Variants in NSD1 observed in about 807,000 individuals in gnomAD.
NSD1 encodes histone-lysine N-methyltransferase, H3 lysine-36 specific.
A neutral mutation model predicts 242.7 loss-of-function variants in NSD1; 26 were observed. That is an observed-to-expected ratio of 0.11 (90% CI 0.08 to 0.15). The LOEUF (loss-of-function observed/expected upper bound fraction) is 0.15. NSD1 is among the 10% of genes least tolerant of loss of function. NSD1 has a pLI of 1.00. For synonymous variants in NSD1, 1,106 were observed against 1,178.1 expected, an observed-to-expected ratio of 0.94 and a Z score of 1.25; for missense variants, 2,495 against 3,272.8, an observed-to-expected ratio of 0.76 and a Z score of 5.80.
rs150920473 is a variant in NSD1, at chr5:177,246,772, G to T, written c.4473G>T (p.Ser1491=). The change falls in exon 10 of 23, where the codon TCG becomes TCT. Residue 1491 remains serine (S), a synonymous_variant. Coordinates refer to ENST00000439151, the MANE Select transcript of NSD1 (RefSeq NM_022455.5). ...MQCKKVKNDD[S]SKEIPGSEGE... is the part of the protein sequence containing the mutation. ...GTAAAAAAGTGAAAAATGATGACTC[G>T]TCAAAAGAGATTCCAGGCTCAGAGG... 760 of 1,613,166 alleles carry T rather than the reference G, an allele frequency of 4.7e-4. 5 individuals are homozygous for T. The Admixed American group carries it at 9.6e-3, about 20-fold the overall frequency.
Position 177,280,683 on chromosome 5 carries a change from G to A in NSD1, c.5741G>A (p.Arg1914His), listed in dbSNP as rs587784155. The stretch of plus-strand genomic sequence containing the variant: ...GGGATAGACTCTGAATGCATCAACC[G>A]CATGCTGCTCTATGAGTGCCACCCC... ...PCGIDSECINRMLLYECHPTV... is the reference protein window; with the variant it reads ...PCGIDSECINHMLLYECHPTV... The change falls in exon 18 of 23, where the codon CGC (arginine) becomes CAC (histidine). Residue 1914 changes from arginine to histidine, a missense_variant. This residue lies in a region of NSD1 where 114 missense variants were observed against 247.4 expected (regional missense o/e 0.46). Transcript: ENST00000439151. 1 of 1,614,212 alleles carries A rather than the reference G, an allele frequency of 6.2e-7. No homozygotes were observed. The highest frequency in any genetic ancestry group is 8.5e-7 in the Non-Finnish European group (1 of 1,180,046).
intron 2 of NSD1, among the ~76,000 whole-genome samples, chr5:177,174,095 G>A (rs1297372979): frequency 1.3e-5 from 2 of 151,956 alleles, no homozygotes; most frequent in Non-Finnish European, 2.9e-5. Context: ...GGCCGGGCGC[G>A]GTGGCTCACG....
Position 177,135,226 on chromosome 5 carries a change from G to A in NSD1, c.123G>A (p.Glu41=), listed in dbSNP as rs1395825730. The part of the protein sequence containing the change: ...PFGNGQSNFS[E]PLNGCTMQLS... ...GTAATGGTCAATCCAATTTTTCTGA[G>A]CCACTTAATGGGTGTACTATGCAGT... The change falls in exon 2 of 23, where the codon GAG becomes GAA. Residue 41 remains glutamate, a synonymous_variant. Coordinates refer to ENST00000439151, the MANE Select transcript of NSD1 (RefSeq NM_022455.5). 17 of 1,613,384 alleles carry A rather than the reference G, an allele frequency of 1.1e-5. No homozygotes were observed. Among genetic ancestry groups the A allele is most frequent in the Non-Finnish European group, 1.4e-5 (17 of 1,179,354 alleles).
chr5:177,186,537 A>G (rs1046960767), intron 2 of NSD1, among the ~76,000 whole-genome samples: 1 of 152,142 alleles, frequency 6.6e-6, no homozygotes, highest in African/African-American at 2.4e-5. Flanking sequence ...GAAAGTAAAG[A>G]TCTCGTCCAA....
chr5:177,248,158 G>A (rs1766444899), intron 10 of NSD1, 23 bp from the exon 11 acceptor site: 1 of 1,613,384 alleles, frequency 6.2e-7, no homozygotes, highest in Non-Finnish European at 8.5e-7. Context: ...TACAGATGTG[G>A]GACATTATTT....
intron 9 of NSD1, 58 bp downstream of exon 9, chr5:177,244,328 C>G (rs901077379): frequency 2.5e-6 from 3 of 1,223,450 alleles, no homozygotes; most frequent in African/African-American, 1.5e-5. Flanking sequence ...AGTGCTTTGT[C>G]TGTTAACCAC....
At position 177,300,059 on chromosome 5, in the gene NSD1, C is replaced by CCCA. The variant is rs751343467; in HGVS notation, c.*4602_*4603insACC. 129 of 23,846 alleles carry CCCA rather than the reference C, an allele frequency of 5.4e-3. No individual in the cohort carries two copies. The highest frequency in any genetic ancestry group is 0.027 in the Middle Eastern group (2 of 74). 1.5% of individuals were successfully genotyped at this position (23,846 alleles called of 1,614,324 possible). On this transcript the variant is annotated 3_prime_UTR_variant, in exon 23 of 23. Coordinates refer to ENST00000439151, the MANE Select transcript of NSD1 (RefSeq NM_022455.5). ...GTCCATCATTGCTTTTTTGCCGCGCCCCCCCCCCCCCGCCCCCATAGATTG... is the reference window on the plus strand; with the variant it reads ...GTCCATCATTGCTTTTTTGCCGCGCCCCACCCCCCCCCCCGCCCCCATAGATTG...
intron 2 of NSD1, among the ~76,000 whole-genome samples, chr5:177,167,103 A>G (rs926390322): frequency 2.6e-5 from 4 of 152,158 alleles, no homozygotes; most frequent in African/African-American, 9.7e-5. Context: ...AAAGTTTATT[A>G]GGTGATCCAG....
chr5:177,265,277 T>TAAAA, intron 14 of NSD1: 1 of 558,754 alleles, frequency 1.8e-6, no homozygotes, highest in South Asian at 2.0e-5. Flanking sequence ...TCTGGACTGT[T>TAAAA]AAAAAAAAAA....
In NSD1 at chr5:177,239,776, C is replaced by G; in HGVS notation, c.4213C>G (p.Gln1405Glu). Residue 1405 changes from glutamine (Q) to glutamate (E), a missense_variant, in exon 8 of 23, where the codon CAA (glutamine) becomes GAA (glutamate). By Grantham distance (29) the Gln-to-Glu change is conservative. Transcript: ENST00000439151. ...KTPGNYESKR[Q>E]RKPTKKLLES... ...TTCAGGAAATTATGAAAGTAAACGT[C>G]AAAGAAAACCAACTAAGAAACTTCT... The G allele has an allele frequency of 6.2e-7, 1 of 1,608,980 alleles. No homozygotes were observed. The highest frequency in any genetic ancestry group is 8.5e-7 in the Non-Finnish European group (1 of 1,175,672).
At chr5:177,196,063 A>G (rs769600785) in intron 3 of NSD1, among the ~76,000 whole-genome samples, 1 of 152,164 alleles carries the variant, frequency 6.6e-6, no homozygotes, top group African/African-American at 2.4e-5. Flanking sequence ...GGTGTTTGCT[A>G]ATAAAGTTAT....
chr5:177,162,785 C>T (rs1443580898), intron 2 of NSD1, among the ~76,000 whole-genome samples: 3 of 152,150 alleles, frequency 2.0e-5, no homozygotes, highest in East Asian at 3.8e-4. Context: ...AGTCCTCCCA[C>T]CTCAGCCTCC....
intron 5 of NSD1, among the ~76,000 whole-genome samples, chr5:177,225,211 C>T (rs1254844791): frequency 6.6e-6 from 1 of 151,590 alleles, no homozygotes; most frequent in Admixed American, 6.6e-5. Flanking sequence ...GGTGTGATCT[C>T]GGCTCACTGC....
Position 177,135,188 on chromosome 5 carries a change from G to A in NSD1, c.85G>A (p.Asp29Asn), listed in dbSNP as rs1756209619. Residue 29 changes from aspartate to asparagine, a missense_variant, in exon 2 of 23, where the codon GAC becomes AAC. Transcript: ENST00000439151. ...GAATTTAGATGCCCCTGAAGACAAG[G>A]ACAGCCCTTTCGGTAATGGTCAATC... ...PVNLDAPEDK[D>N]SPFGNGQSNF... 2.5e-6 allele frequency: 4 copies of A among 1,613,930 alleles called. No homozygotes were observed. The highest frequency in any genetic ancestry group is 3.4e-6 in the Non-Finnish European group (4 of 1,179,938).
intron 8 of NSD1, among the ~76,000 whole-genome samples, chr5:177,241,499 T>A (rs147912826): frequency 0.017 from 2,522 of 151,626 alleles, 26 homozygotes; most frequent in Non-Finnish European, 0.025. Context: ...AGCGAGACTC[T>A]CTCTCTCTCA....
Position 177,165,971 on chromosome 5 carries a change from G to A in NSD1, c.928-25913G>A, listed in dbSNP as rs143617772. ...GTCACCCAGGCTGGAGTGCGGTGGC[G>A]CAATCTCGGCTCATTGCAACCTCCG... On this transcript the variant is annotated intron_variant, in intron 2 of 22. Transcript: ENST00000439151. Among the ~76,000 whole-genome samples the A allele has an allele frequency of 3.0e-3, 441 of 146,902 alleles. 13 individuals are homozygous for A. The East Asian group carries it at 0.077, about 26-fold the overall frequency.
At chr5:177,262,310 T>C (rs1029709704) in intron 14 of NSD1, among the ~76,000 whole-genome samples, 1 of 152,126 alleles carries the variant, frequency 6.6e-6, no homozygotes, top group African/African-American at 2.4e-5. Context: ...TCTTAAGATA[T>C]CACTAAAGAA....
In NSD1 at chr5:177,135,176, C is replaced by G. The variant is rs766881071; in HGVS notation, c.73C>G (p.Pro25Ala). The G allele has an allele frequency of 1.2e-6, 2 of 1,614,062 alleles. No individual in the cohort carries two copies. The highest frequency in any genetic ancestry group is 1.7e-6 in the Non-Finnish European group (2 of 1,179,996). Reference protein sequence around the residue: ...PFSNPVNLDAPEDKDSPFGNG... With the variant: ...PFSNPVNLDAAEDKDSPFGNG... ...TTCCAATCCAGTGAATTTAGATGCC[C>G]CTGAAGACAAGGACAGCCCTTTCGG... is the stretch of plus-strand genomic sequence containing the variant. The change falls in exon 2 of 23, where the codon CCT (proline) becomes GCT (alanine). Residue 25 changes from proline to alanine, a missense_variant. Physicochemically the swap from Pro to Ala is conservative, Grantham distance 27 (BLOSUM62 -1). Coordinates refer to ENST00000439151, the MANE Select transcript of NSD1 (RefSeq NM_022455.5).
intron 3 of NSD1, among the ~76,000 whole-genome samples, chr5:177,193,183 C>A (rs112313953): frequency 6.6e-6 from 1 of 151,970 alleles, no homozygotes; most frequent in African/African-American, 2.4e-5. Flanking sequence ...CTCTGTCTCC[C>A]AGGCTGGAGT....
Sources: gnomAD v4.1 joint callset for allele counts (sites outside exome capture counted in the v4.1 genomes callset) on GRCh38, gnomAD v4.1.1 for gene constraint, gnomAD v4.1.1 regional missense constraint, MANE v1.5 for transcripts, NCBI Gene and HGNC (gene_info 2026-07-23, HGNC 2026-07-21) for gene names.